Variants in LAMA2 observed in about 807,000 individuals in gnomAD.
LAMA2 encodes the protein laminin subunit alpha-2.
LAMA2 carries 269 observed loss-of-function variants against 364.8 expected under a neutral mutation model. The ratio of observed to expected loss-of-function variants is 0.74; its 90% CI spans 0.67 to 0.82. The LOEUF (loss-of-function observed/expected upper bound fraction) is 0.82. Among genes scored for constraint, LAMA2 ranks in the 40% least tolerant of loss-of-function variants. The pLI, the probability that LAMA2 is intolerant of heterozygous loss-of-function variation, is 0.00. For synonymous variants in LAMA2, 1,379 were observed against 1,370.6 expected (o/e 1.01, Z -0.14); for missense variants, 3,807 against 3,873.2 (o/e 0.98, Z 0.45).
At chr6:129,501,368 T>A (rs1038995315) in intron 58 of LAMA2, among the ~76,000 whole-genome samples, 1 of 152,224 alleles carries the variant, frequency 6.6e-6, no homozygotes, top group African/African-American at 2.4e-5. Context: ...CAGTCTGCTC[T>A]TTATAACTGA....
intron 3 of LAMA2, among the ~76,000 whole-genome samples, chr6:129,090,525 A>G (rs766437074): frequency 1.3e-5 from 2 of 152,204 alleles, no homozygotes; most frequent in African/African-American, 4.8e-5. Flanking sequence ...TTTGTTCGAT[A>G]TATCTAGGTC....
At chr6:129,400,586 A>G (rs56267114) in intron 37 of LAMA2, among the ~76,000 whole-genome samples, 5,041 of 152,276 alleles carry the variant, frequency 0.033, 282 homozygotes, top group African/African-American at 0.12. Flanking sequence ...ATAGACCCCA[A>G]ATGGAGAAAT....
intron 17 of LAMA2, among the ~76,000 whole-genome samples, chr6:129,278,147 A>G (rs1239052264): frequency 6.6e-6 from 1 of 152,206 alleles, no homozygotes; most frequent in Non-Finnish European, 1.5e-5. Context: ...GGTTTCAGTG[A>G]GCCAAGATTG....
At position 129,349,186 on chromosome 6, in the gene LAMA2, C is replaced by A. The variant is rs989317321; in HGVS notation, c.4437-112C>A. On this transcript the variant is annotated intron_variant, in intron 30 of 64. Transcript: ENST00000421865. ...ACTTCAGCAATAATTATAAAGATGGCATTTATTACTACCTAAAAGTATGTC... is the reference window on the plus strand; with the variant it reads ...ACTTCAGCAATAATTATAAAGATGGAATTTATTACTACCTAAAAGTATGTC... 3 of 769,416 alleles carry A rather than the reference C, an allele frequency of 3.9e-6. No individual in the cohort carries two copies. In the South Asian group the frequency reaches 4.3e-5, roughly 11 times the overall value. 47.7% of individuals were successfully genotyped at this position (769,416 alleles called of 1,614,324 possible). A position where few individuals can be genotyped will look rare whatever the true frequency, so the allele number is the denominator to read the frequency against.
chr6:129,334,559 T>A (rs1775839690), intron 29 of LAMA2, among the ~76,000 whole-genome samples: 1 of 152,094 alleles, frequency 6.6e-6, no homozygotes, highest in East Asian at 1.9e-4. Context: ...AATCAAAAAA[T>A]AAGTAAAAAA....
intron 1 of LAMA2, among the ~76,000 whole-genome samples, chr6:129,015,499 A>G (rs9492194): frequency 0.027 from 4,049 of 152,188 alleles, 169 homozygotes; most frequent in African/African-American, 0.093. Flanking sequence ...AAAACATTAA[A>G]CATTTTAAGT....
intron 32 of LAMA2, among the ~76,000 whole-genome samples, chr6:129,359,755 G>A (rs954681155): frequency 6.6e-6 from 1 of 151,060 alleles, no homozygotes; most frequent in Non-Finnish European, 1.5e-5. Flanking sequence ...AATAGCTTTC[G>A]CCCTTTCAAA....
chr6:128,965,469 A>G (rs1485988372), intron 1 of LAMA2, among the ~76,000 whole-genome samples: 1 of 152,056 alleles, frequency 6.6e-6, no homozygotes, highest in African/African-American at 2.4e-5. Context: ...AACATGAACT[A>G]TCTTATTTAA....
In LAMA2 at chr6:129,267,136, G is replaced by A. The variant is rs145940188; in HGVS notation, c.2239G>A (p.Gly747Ser). The change falls in exon 16 of 65, where the codon GGC becomes AGC. Residue 747 changes from glycine to serine, a missense_variant. Coordinates refer to ENST00000421865, the MANE Select transcript of LAMA2 (RefSeq NM_000426.4). ...TTGGCCTAGGCACAGGCGAGTTAAC[G>A]GCACTATTTTTGGTGGCATCTGTGA... ...SCWPRHRRVNGTIFGGICEPC... is the reference protein window; with the variant it reads ...SCWPRHRRVNSTIFGGICEPC... 1.1e-5 allele frequency: 18 copies of A among 1,612,924 alleles called. No homozygotes were observed. Among genetic ancestry groups the A allele is most frequent in the East Asian group, 2.2e-5 (1 of 44,874 alleles).
intron 17 of LAMA2, among the ~76,000 whole-genome samples, chr6:129,277,898 A>G (rs1305061619): frequency 3.3e-5 from 5 of 152,166 alleles, no homozygotes; most frequent in Admixed American, 3.3e-4. Flanking sequence ...AATCTATTTT[A>G]TGAATAGCTT....
At chr6:129,275,595 A>G (rs117581822) in intron 17 of LAMA2, among the ~76,000 whole-genome samples, 1 of 152,008 alleles carries the variant, frequency 6.6e-6, no homozygotes, top group Non-Finnish European at 1.5e-5. Context: ...ACATAGTTAC[A>G]GTTATATTAA....
intron 3 of LAMA2, among the ~76,000 whole-genome samples, chr6:129,074,337 T>C (rs1187658600): frequency 1.3e-5 from 2 of 152,242 alleles, no homozygotes; most frequent in Non-Finnish European, 2.9e-5. Context: ...CTATGAATTA[T>C]GGTCCCTCAC....
At chr6:129,358,341 A>G (rs970571039) in intron 32 of LAMA2, among the ~76,000 whole-genome samples, 12 of 151,994 alleles carry the variant, frequency 7.9e-5, no homozygotes, top group African/African-American at 2.7e-4. Context: ...GGAGTTGCAC[A>G]GTTGAATTAT....
intron 19 of LAMA2, among the ~76,000 whole-genome samples, chr6:129,289,816 G>A (rs1016825164): frequency 1.1e-4 from 17 of 152,146 alleles, no homozygotes; most frequent in Admixed American, 2.6e-4. Flanking sequence ...ACTACTTGCC[G>A]TGAGTATAGA....
chr6:129,474,381 T>C (rs1783965353), intron 52 of LAMA2, among the ~76,000 whole-genome samples: 1 of 152,182 alleles, frequency 6.6e-6, no homozygotes, highest in Admixed American at 6.6e-5. Flanking sequence ...ATGAGCTTCA[T>C]GGTGCAAATA....
At chr6:129,017,840 G>A (rs1249841495) in intron 1 of LAMA2, among the ~76,000 whole-genome samples, 1 of 151,886 alleles carries the variant, frequency 6.6e-6, no homozygotes, top group Admixed American at 6.6e-5. Context: ...TTTGATACCT[G>A]TCATCTGAGA....
intron 56 of LAMA2, among the ~76,000 whole-genome samples, chr6:129,489,186 A>T (rs1185151797): frequency 1.3e-5 from 2 of 152,182 alleles, no homozygotes; most frequent in Non-Finnish European, 2.9e-5. Flanking sequence ...TTTTCAGACT[A>T]TGCATGTCAG....
At chr6:129,075,838 C>T (rs1773598400) in intron 3 of LAMA2, among the ~76,000 whole-genome samples, 2 of 152,032 alleles carry the variant, frequency 1.3e-5, no homozygotes, top group Admixed American at 1.3e-4. Flanking sequence ...CCTGTAAGCC[C>T]AGCACTTTGG....
At chr6:129,300,647 G>A (rs1363533950) in intron 21 of LAMA2, 89 bp from the exon 22 acceptor site, 9 of 1,373,720 alleles carry the variant, frequency 6.6e-6, no homozygotes, top group Non-Finnish European at 9.3e-6. Flanking sequence ...AAGAAAATAA[G>A]ACAAACCAAC....
Sources: allele counts gnomAD v4.1 joint callset (sites outside exome capture counted in the v4.1 genomes callset), GRCh38; gene constraint gnomAD v4.1.1; transcripts MANE v1.5; gene names NCBI Gene and HGNC (gene_info 2026-07-23, HGNC 2026-07-21).